Variants in SPATA7 observed in about 807,000 individuals in gnomAD.
SPATA7 encodes spermatogenesis associated 7, also known as spermatogenesis-associated protein 7.
SPATA7 carries 43 observed loss-of-function variants against 51.8 expected under a neutral mutation model. The ratio of observed to expected loss-of-function variants is 0.83; its 90% CI spans 0.65 to 1.07. SPATA7 has a LOEUF of 1.07. SPATA7 is among the 50% of genes least tolerant of loss of function. The probability of loss-of-function intolerance (pLI) is 0.00; values close to 1 mark genes in which losing one functional copy is unlikely to be tolerated. For missense variants in SPATA7, 683 were observed against 701.3 expected, an observed-to-expected ratio of 0.97 and a Z score of 0.30; for synonymous variants, 230 against 252.8, an observed-to-expected ratio of 0.91 and a Z score of 0.86.
At position 88,404,606 on chromosome 14, in the gene SPATA7, A is replaced by G. The variant is rs553229286; in HGVS notation, c.238+8403A>G. 3.3e-5 allele frequency among the ~76,000 whole-genome samples: 5 copies of G among 152,108 alleles called. No homozygotes were observed. In the East Asian group the frequency reaches 9.7e-4, roughly 30 times the overall value. On this transcript the variant is annotated intron_variant, in intron 4 of 11. Transcript: ENST00000393545. ...GTGGCATGCACCTGTAGTTCCAGCT[A>G]CTCGGGAGGCTGAGACATGAGAATC...
intron 3 of SPATA7, among the ~76,000 whole-genome samples, chr14:88,449,763 T>C (rs2077238782): frequency 6.6e-6 from 1 of 152,150 alleles, no homozygotes; most frequent in African/African-American, 2.4e-5. Context: ...AGCTCCAGTG[T>C]TAGGTGCATA....
At chr14:88,394,263 CCCTTGATAT>C (rs2075822035) in intron 3 of SPATA7, among the ~76,000 whole-genome samples, 1 of 152,124 alleles carries the variant, frequency 6.6e-6, no homozygotes, top group South Asian at 2.1e-4. Context: ...AATTTGCCAA[CCCTTGATAT>C]AGAAAAAGTC....
At chr14:88,406,068 T>C (rs1332609793) in intron 4 of SPATA7, among the ~76,000 whole-genome samples, 2 of 152,166 alleles carry the variant, frequency 1.3e-5, no homozygotes, top group Non-Finnish European at 2.9e-5. Flanking sequence ...TATATGATTT[T>C]TCATTATAAT....
rs1007728900 is a variant in SPATA7 at position 88,469,607 on chromosome 14, C to A, written c.255-240C>A. ...GTAAGGAGGTGCTTCATCTTCAGGC[C>A]TGTGGTGGCATAGCAGCCAGAGTCT... On this transcript the variant is annotated intron_variant, in intron 4 of 4. Transcript: ENST00000556406. This position sits in a 1 kb window ranked among gnomAD's most constrained non-coding sequence, Gnocchi z 4.3. 5.6e-6 allele frequency: 9 copies of A among 1,614,036 alleles called. No homozygotes were observed. Among genetic ancestry groups the A allele is most frequent in the African/African-American group, 1.3e-5 (1 of 74,908 alleles).
chr14:88,391,322 T>A, intron 1 of SPATA7, 59 bp from the exon 2 acceptor site: 1 of 1,334,160 alleles, frequency 7.5e-7, no homozygotes, highest in Non-Finnish European at 1.1e-6. Context: ...AATATTGTTG[T>A]TTTTGTAAAA....
intron 4 of SPATA7, among the ~76,000 whole-genome samples, chr14:88,409,360 A>G: frequency 6.6e-6 from 1 of 151,688 alleles, no homozygotes; most frequent in East Asian, 1.9e-4. Flanking sequence ...TTTCTTCTAG[A>G]TTTTCTAATT....
chr14:88,403,639 C>T (rs1336694656), intron 4 of SPATA7, among the ~76,000 whole-genome samples: 1 of 152,078 alleles, frequency 6.6e-6, no homozygotes, highest in East Asian at 1.9e-4. Context: ...TAAGTGAGAT[C>T]ACGTGGTACT....
At chr14:88,401,859 AAAAGT>A (rs1364032367) in intron 4 of SPATA7, among the ~76,000 whole-genome samples, 21 of 151,052 alleles carry the variant, frequency 1.4e-4, no homozygotes, top group African/African-American at 4.8e-4. Context: ...AAAAAAAAAA[AAAAGT>A]AAGGTTACTT....
chr14:88,439,376 G>A (rs1410996904), downstream of SPATA7, among the ~76,000 whole-genome samples: 2 of 152,078 alleles, frequency 1.3e-5, no homozygotes, highest in Non-Finnish European at 2.9e-5. Flanking sequence ...TCATGAATGA[G>A]ACCCTTACTA....
intron 10 of SPATA7, among the ~76,000 whole-genome samples, chr14:88,435,339 A>G (rs971224552): frequency 1.3e-5 from 2 of 152,186 alleles, no homozygotes; most frequent in South Asian, 4.1e-4. Flanking sequence ...TAAGGGGTAC[A>G]TGAGATGTTT....
intron 4 of SPATA7, chr14:88,414,599 A>T (rs2076425131): frequency 2.9e-6 from 1 of 344,070 alleles, no homozygotes; most frequent in Non-Finnish European, 5.6e-6. Flanking sequence ...TAGCTTTGGG[A>T]TTAGTTCTTG....
At chr14:88,467,994 G>T in intron 4 of SPATA7, 5 of 1,039,458 alleles carry the variant, frequency 4.8e-6, no homozygotes, top group Non-Finnish European at 7.3e-6. Context: ...CCTTCAGCGT[G>T]CCGCCATTCA....
At chr14:88,415,363 A>G in intron 4 of SPATA7, 1 of 190,036 alleles carries the variant, frequency 5.3e-6, no homozygotes, top group South Asian at 8.6e-5. Context: ...ATACAAGAAT[A>G]GCAACCCCTG....
chr14:88,446,974 A>G (rs1260830569), intron 3 of SPATA7, among the ~76,000 whole-genome samples: 4 of 152,108 alleles, frequency 2.6e-5, no homozygotes, highest in African/African-American at 7.2e-5. Context: ...ATTTGGGGTG[A>G]AGAGTTCTGT....
At chr14:88,444,297 T>C (rs2077197247) in intron 3 of SPATA7, among the ~76,000 whole-genome samples, 1 of 152,356 alleles carries the variant, frequency 6.6e-6, no homozygotes, top group South Asian at 2.1e-4. Flanking sequence ...GAGAAGTGTC[T>C]GTTCATGTCC....
intron 3 of SPATA7, among the ~76,000 whole-genome samples, chr14:88,450,218 AAT>A (rs2077241573): frequency 6.6e-6 from 1 of 152,090 alleles, no homozygotes; most frequent in Non-Finnish European, 1.5e-5. Flanking sequence ...TTGAAGATAG[AAT>A]ATACTTGGTT....
chr14:88,455,272 C>A, exon 4 of SPATA7: 1 of 351,194 alleles, frequency 2.8e-6, no homozygotes, highest in Middle Eastern at 4.9e-4. Context: ...AAGATGCATT[C>A]TAACTCTTAA....
chr14:88,449,880 A>C (rs1196898392), intron 3 of SPATA7, among the ~76,000 whole-genome samples: 1 of 152,094 alleles, frequency 6.6e-6, no homozygotes, highest in Non-Finnish European at 1.5e-5. Context: ...TTTGTGTGAT[A>C]CAAGAATAGC....
At chr14:88,417,303 G>GTTT (rs1488232412) in intron 5 of SPATA7, among the ~76,000 whole-genome samples, 3 of 77,520 alleles carry the variant, frequency 3.9e-5, no homozygotes, top group African/African-American at 9.7e-5. Flanking sequence ...TAATCTGTGG[G>GTTT]GTTTTTTTTT....
Sources: gnomAD v4.1 joint callset for allele counts (sites outside exome capture counted in the v4.1 genomes callset) on GRCh38, gnomAD v4.1.1 for gene constraint, Gnocchi (gnomAD v3.1) non-coding constraint, MANE v1.5 for transcripts, NCBI Gene and HGNC (gene_info 2026-07-23, HGNC 2026-07-21) for gene names.